RARB: variants seen among roughly 807,000 people sequenced by gnomAD.
The protein encoded by RARB is retinoic acid receptor beta, also known as HBV-activated protein.
Under a neutral mutation model 51.9 loss-of-function variants are expected in RARB, and 17 were observed. The observed-to-expected ratio is 0.33, with a 90% CI of 0.22 to 0.49. RARB has a LOEUF of 0.49. RARB is among the 20% of genes least tolerant of loss of function. The pLI is 0.99. For missense variants in RARB, 369 were observed against 550.8 expected, an observed-to-expected ratio of 0.67 and a Z score of 3.30; for synonymous variants, 215 against 195.4, an observed-to-expected ratio of 1.10 and a Z score of -0.84.
chr3:24,872,601 G>A (rs1338736436), intron 2 of RARB, among the ~76,000 whole-genome samples: 1 of 152,084 alleles, frequency 6.6e-6, no homozygotes, highest in Non-Finnish European at 1.5e-5. Flanking sequence ...CAGCAAGAGA[G>A]GGAGGAGGGG....
intron 5 of RARB, among the ~76,000 whole-genome samples, chr3:25,216,864 C>A (rs1701846344): frequency 6.6e-6 from 1 of 151,972 alleles, no homozygotes; most frequent in Admixed American, 6.6e-5. Context: ...GAAATCAGAT[C>A]ATCTCTTGTT....
intron 5 of RARB, among the ~76,000 whole-genome samples, chr3:25,195,797 A>C (rs1035717970): frequency 1.3e-5 from 2 of 152,042 alleles, no homozygotes; most frequent in African/African-American, 4.8e-5. Flanking sequence ...TTTTAAAAGA[A>C]AGCCATGTCT....
chr3:25,553,052 A>C (rs542205416), intron 3 of RARB, among the ~76,000 whole-genome samples: 1 of 152,244 alleles, frequency 6.6e-6, no homozygotes. Context: ...CGGGCAAACT[A>C]TAATTCACTT....
At chr3:25,042,815 A>G (rs537193676) in intron 2 of RARB, among the ~76,000 whole-genome samples, 3 of 152,342 alleles carry the variant, frequency 2.0e-5, no homozygotes, top group Admixed American at 6.5e-5. Context: ...CTTATCCTTC[A>G]TAACTGAAAC....
chr3:24,992,908 A>T (rs1696943761), intron 2 of RARB, among the ~76,000 whole-genome samples: 1 of 151,932 alleles, frequency 6.6e-6, no homozygotes, highest in Non-Finnish European at 1.5e-5. Flanking sequence ...AATTGCATAG[A>T]TTTATTTGAG....
At chr3:24,869,779 C>T (rs367803938) in intron 2 of RARB, among the ~76,000 whole-genome samples, 24 of 152,012 alleles carry the variant, frequency 1.6e-4, no homozygotes, top group African/African-American at 5.8e-4. Flanking sequence ...TCCTCTCTTC[C>T]TAACAGAACT....
chr3:25,454,547 G>A (rs1694799262), intron 1 of RARB, among the ~76,000 whole-genome samples: 1 of 152,104 alleles, frequency 6.6e-6, no homozygotes, highest in South Asian at 2.1e-4. Context: ...TTAAAATACT[G>A]TCTTAATCAC....
chr3:25,134,720 A>G (rs1700006469), intron 4 of RARB, among the ~76,000 whole-genome samples: 1 of 151,516 alleles, frequency 6.6e-6, no homozygotes, highest in Non-Finnish European at 1.5e-5. Context: ...ATGGATTAGA[A>G]TTGAGTGATT....
chr3:25,123,993 CTTAGT>C (rs1699824382), intron 3 of RARB, among the ~76,000 whole-genome samples: 1 of 152,188 alleles, frequency 6.6e-6, no homozygotes, highest in Non-Finnish European at 1.5e-5. Flanking sequence ...AGATACACCC[CTTAGT>C]AAAGGGAAAT....
At chr3:25,232,745 A>G (rs1031724527) in intron 5 of RARB, among the ~76,000 whole-genome samples, 2 of 152,106 alleles carry the variant, frequency 1.3e-5, no homozygotes, top group Non-Finnish European at 2.9e-5. Context: ...AATGATTCAC[A>G]TTTAGTAGAA....
At chr3:25,372,524 T>A (rs1706331604) in intron 5 of RARB, among the ~76,000 whole-genome samples, 1 of 152,186 alleles carries the variant, frequency 6.6e-6, no homozygotes, top group Admixed American at 6.5e-5. Flanking sequence ...AGTTTTTAAC[T>A]GCAGAAAGAG....
At chr3:25,148,636 A>G (rs552270048) in intron 4 of RARB, among the ~76,000 whole-genome samples, 11 of 152,302 alleles carry the variant, frequency 7.2e-5, no homozygotes, top group Non-Finnish European at 1.3e-4. Context: ...CTGTATTATT[A>G]AAGGTTCCTT....
chr3:25,423,087 C>T (rs79804614), intron 5 of RARB, among the ~76,000 whole-genome samples: 2,191 of 152,256 alleles, frequency 0.014, 55 homozygotes, highest in African/African-American at 0.05. Flanking sequence ...CCAGTGGCCC[C>T]GTACAGAAAA....
chr3:25,425,968 G>A (rs1707976461), upstream of RARB, among the ~76,000 whole-genome samples: 1 of 152,138 alleles, frequency 6.6e-6, no homozygotes, highest in Non-Finnish European at 1.5e-5. Context: ...TCTAACTTAA[G>A]TTTCTCCTGC....
At chr3:25,051,779 T>G (rs1243333721) in intron 2 of RARB, among the ~76,000 whole-genome samples, 1 of 152,070 alleles carries the variant, frequency 6.6e-6, no homozygotes, top group Non-Finnish European at 1.5e-5. Flanking sequence ...GGAGAGAACA[T>G]GGCCAAGCTA....
At chr3:25,093,353 G>A (rs1437599302) in intron 3 of RARB, among the ~76,000 whole-genome samples, 2 of 152,142 alleles carry the variant, frequency 1.3e-5, no homozygotes, top group African/African-American at 2.4e-5. Context: ...CTATAACAGT[G>A]AGAAAATTAT....
chr3:25,196,192 G>A (rs1701230535), intron 5 of RARB, among the ~76,000 whole-genome samples: 1 of 152,014 alleles, frequency 6.6e-6, no homozygotes. Context: ...TGTACATTAG[G>A]TATTACTCCT....
chr3:24,899,884 G>A (rs953070135), intron 2 of RARB, among the ~76,000 whole-genome samples: 2 of 151,392 alleles, frequency 1.3e-5, no homozygotes, highest in Non-Finnish European at 2.9e-5. Flanking sequence ...GAAAAATTTA[G>A]GAGGAAGGAA....
At chr3:25,080,695 T>C (rs1485349667) in intron 3 of RARB, among the ~76,000 whole-genome samples, 1 of 152,198 alleles carries the variant, frequency 6.6e-6, no homozygotes, top group Non-Finnish European at 1.5e-5. Flanking sequence ...TGCTTATTAG[T>C]CATTTTTTTA....
Sources: gnomAD v4.1 joint callset for allele counts (sites outside exome capture counted in the v4.1 genomes callset) on GRCh38, gnomAD v4.1.1 for gene constraint, MANE v1.5 for transcripts, NCBI Gene and HGNC (gene_info 2026-07-23, HGNC 2026-07-21) for gene names.